Variants in TRPV5 observed in about 807,000 individuals in gnomAD.
TRPV5 encodes the protein calcium transport protein 2.
A neutral mutation model predicts 74.1 loss-of-function variants in TRPV5; 66 were observed. The ratio of observed to expected loss-of-function variants is 0.89; its 90% CI spans 0.73 to 1.09. TRPV5 has a LOEUF of 1.09. Among genes scored for constraint, TRPV5 ranks in the 50% least tolerant of loss-of-function variants. TRPV5 has a pLI of 0.00. For missense variants in TRPV5, 936 were observed against 930.4 expected (o/e 1.01, Z -0.08); for synonymous variants, 399 against 360.7 (o/e 1.11, Z -1.20).
chr7:142,933,275 G>A, intron 1 of TRPV5, 57 bp downstream of exon 1: 2 of 1,595,810 alleles, frequency 1.3e-6, no homozygotes, highest in Admixed American at 3.5e-5. Context: ...GGCCCAGGTG[G>A]GTCAGAGGGT....
chr7:142,928,308 GAGCC>G, intron 6 of TRPV5, 74 bp from the exon 7 acceptor site: 1 of 1,541,068 alleles, frequency 6.5e-7, no homozygotes. Context: ...CCATTGGATG[GAGCC>G]AGTTGCCCAC....
rs1459463616 is a variant in TRPV5, at chr7:142,929,111, G to A, written c.497C>T (p.Pro166Leu). 1.2e-6 allele frequency: 2 copies of A among 1,614,060 alleles called. No individual in the cohort carries two copies. Among genetic ancestry groups the A allele is most frequent in the Non-Finnish European group, 1.7e-6 (2 of 1,179,994 alleles). The change falls in exon 5 of 15, where the codon CCT becomes CTT. Residue 166 changes from proline (P) to leucine (L), a missense_variant. Coordinates refer to ENST00000265310, the MANE Select transcript of TRPV5 (RefSeq NM_019841.7). ...GTTCACACAGGCAGCAAAGGACAAA[G>A]GGTGCTCCCCTGTGGACACAGAGAG... ...PRNLIYFGEH[P>L]LSFAACVNSE...
chr7:142,911,281 T>C (rs1365720716), intron 13 of TRPV5, among the ~76,000 whole-genome samples: 1 of 152,184 alleles, frequency 6.6e-6, no homozygotes, highest in Non-Finnish European at 1.5e-5. Flanking sequence ...TCTGGCCAGA[T>C]ACCTCTAAAG....
At position 142,933,629 on chromosome 7, in the gene TRPV5, G is replaced by T; in HGVS notation, c.-170C>A. The T allele has an allele frequency of 1.2e-6, 1 of 848,338 alleles. No homozygotes were observed. Among genetic ancestry groups the T allele is most frequent in the Non-Finnish European group, 1.8e-6 (1 of 549,564 alleles). 52.6% of individuals were successfully genotyped at this position (848,338 alleles called of 1,614,324 possible). On this transcript the variant is annotated 5_prime_UTR_variant, in exon 1 of 15. Transcript: ENST00000265310. Reference sequence around the variant, plus strand: ...AGCTTGTAGGTGTGTGTGTGTGCATGCAGTATGTGGGTTGTGGGGTGTGCG... The same window carrying T: ...AGCTTGTAGGTGTGTGTGTGTGCATTCAGTATGTGGGTTGTGGGGTGTGCG...
At chr7:142,932,938 A>G (rs1464425489) in intron 1 of TRPV5, among the ~76,000 whole-genome samples, 1 of 152,118 alleles carries the variant, frequency 6.6e-6, no homozygotes, top group African/African-American at 2.4e-5. Context: ...CTTTCATTCA[A>G]ATGAATGGCG....
chr7:142,933,291 G>T lies in TRPV5; in HGVS notation c.128+41C>A, dbSNP rs758000168. On this transcript the variant is annotated intron_variant, in intron 1 of 14. Transcript: ENST00000265310. ...GCCCAGGTGGGTCAGAGGGTCTGAG[G>T]ATCACGGCGGTAGGGCCACGGATCG... 48 of 1,607,714 alleles carry T rather than the reference G, an allele frequency of 3.0e-5. No homozygotes were observed. In the South Asian group the frequency reaches 3.3e-4, roughly 11 times the overall value.
In TRPV5 at chr7:142,908,542, C is replaced by G; in HGVS notation, c.2162G>C (p.Gly721Ala). The G allele has an allele frequency of 6.2e-7, 1 of 1,614,202 alleles. No individual in the cohort carries two copies. The highest frequency in any genetic ancestry group is 8.5e-7 in the Non-Finnish European group (1 of 1,180,030). ...AAAATGGTAGACCTCCTCTCCATCCCCCTCACTAAGGTTCAGTCCAAGATT... is the reference window on the plus strand; with the variant it reads ...AAAATGGTAGACCTCCTCTCCATCCGCCTCACTAAGGTTCAGTCCAAGATT... ...HLNLGLNLSE[G>A]DGEEVYHF The change falls in exon 15 of 15, where the codon GGG becomes GCG. Residue 721 changes from glycine (G) to alanine (A), a missense_variant. Transcript: ENST00000265310.
At chr7:142,927,794 A>G (rs1796011811) in intron 7 of TRPV5, among the ~76,000 whole-genome samples, 1 of 152,216 alleles carries the variant, frequency 6.6e-6, no homozygotes. Flanking sequence ...TGCAAACCAT[A>G]TCAATGCTGA....
chr7:142,917,041 T>C (rs1002525894), intron 8 of TRPV5, among the ~76,000 whole-genome samples: 15 of 152,156 alleles, frequency 9.9e-5, no homozygotes, highest in African/African-American at 3.1e-4. Context: ...GTTTTTGTTT[T>C]GTTTTGTTCT....
chr7:142,919,861 G>A (rs1795856124), intron 8 of TRPV5, among the ~76,000 whole-genome samples: 1 of 152,196 alleles, frequency 6.6e-6, no homozygotes, highest in African/African-American at 2.4e-5. Flanking sequence ...ACCACAGTGG[G>A]AAGTGGGTAG....
chr7:142,924,795 T>C (rs1425962029), intron 8 of TRPV5: 1 of 152,224 alleles, frequency 6.6e-6, no homozygotes, highest in Non-Finnish European at 1.5e-5. Flanking sequence ...CAAATATAGC[T>C]ACAGTTGTTA....
At chr7:142,930,500 A>G (rs1247831595) in intron 1 of TRPV5, 54 bp from the exon 2 acceptor site, 1 of 1,304,722 alleles carries the variant, frequency 7.7e-7, no homozygotes, top group Non-Finnish European at 1.1e-6. Flanking sequence ...GAATGAGGCC[A>G]AGAGCAAAGG....
At chr7:142,926,761 C>T (rs947780579) in intron 7 of TRPV5, among the ~76,000 whole-genome samples, 7 of 152,126 alleles carry the variant, frequency 4.6e-5, no homozygotes, top group African/African-American at 7.2e-5. Flanking sequence ...TATGTGGTGG[C>T]GAAATCCACA....
At position 142,925,754 on chromosome 7, in the gene TRPV5, T is replaced by C; in HGVS notation, c.910-13A>G. Reference sequence around the variant, plus strand: ...GAATTTGGCGAGCCTGGCATGGAAGTAGAGTGAAACTTGGGGTGACCAACA... The same window carrying C: ...GAATTTGGCGAGCCTGGCATGGAAGCAGAGTGAAACTTGGGGTGACCAACA... On this transcript the variant is annotated splice_polypyrimidine_tract_variant and intron_variant, in intron 7 of 14. Transcript: ENST00000265310. 1 of 1,611,468 alleles carries C rather than the reference T, an allele frequency of 6.2e-7. No homozygotes were observed. Among genetic ancestry groups the C allele is most frequent in the Non-Finnish European group, 8.5e-7 (1 of 1,178,570 alleles).
intron 7 of TRPV5, 31 bp downstream of exon 7, chr7:142,928,057 T>C (rs1261429675): frequency 2.5e-6 from 4 of 1,613,614 alleles, no homozygotes; most frequent in Admixed American, 3.3e-5. Flanking sequence ...TTCCCTCACA[T>C]GACAGGCCTG....
At chr7:142,930,249 A>C (rs888215508) in intron 2 of TRPV5, 69 bp from the exon 3 acceptor site, 5 of 1,608,784 alleles carry the variant, frequency 3.1e-6, no homozygotes, top group Non-Finnish European at 4.2e-6. Context: ...CTCAGGCTCC[A>C]GAGACACCCT....
Position 142,928,073 on chromosome 7 carries a change from C to T in TRPV5, c.909+15G>A. On this transcript the variant is annotated intron_variant, in intron 7 of 14. Coordinates refer to ENST00000265310, the MANE Select transcript of TRPV5 (RefSeq NM_019841.7). The stretch of plus-strand genomic sequence containing the variant: ...TCCCTCACATGACAGGCCTGATCCT[C>T]CTTGGCATCCATACCTCTCGTTTAT... 6 of 1,614,116 alleles carry T rather than the reference C, an allele frequency of 3.7e-6. No individual in the cohort carries two copies. Among genetic ancestry groups the T allele is most frequent in the Non-Finnish European group, 5.1e-6 (6 of 1,180,010 alleles).
intron 8 of TRPV5, among the ~76,000 whole-genome samples, chr7:142,920,696 A>G (rs1258498011): frequency 6.6e-6 from 1 of 152,246 alleles, no homozygotes; most frequent in Non-Finnish European, 1.5e-5. Context: ...CTCTCTTGAC[A>G]TCAGATTCAC....
intron 13 of TRPV5, among the ~76,000 whole-genome samples, chr7:142,911,029 T>A (rs1243748984): frequency 6.6e-6 from 1 of 152,170 alleles, no homozygotes; most frequent in East Asian, 1.9e-4. Context: ...ATGGAAGGAA[T>A]TGGCAGGGGG....
Sources: allele counts gnomAD v4.1 joint callset (sites outside exome capture counted in the v4.1 genomes callset), GRCh38; gene constraint gnomAD v4.1.1; transcripts MANE v1.5; gene names NCBI Gene and HGNC (gene_info 2026-07-23, HGNC 2026-07-21).